SLC15A1: variants seen among roughly 807,000 people sequenced by gnomAD.
SLC15A1 encodes the protein Caco-2 oligopeptide transporter.
SLC15A1 carries 83 observed loss-of-function variants against 92.9 expected under a neutral mutation model. The ratio of observed to expected loss-of-function variants is 0.89; its 90% CI spans 0.75 to 1.07. The LOEUF (loss-of-function observed/expected upper bound fraction) is 1.07. SLC15A1 is among the 50% of genes least tolerant of loss of function. The pLI, the probability that SLC15A1 is intolerant of heterozygous loss-of-function variation, is 0.00. For synonymous variants in SLC15A1, 322 were observed against 318.2 expected (o/e 1.01, Z -0.13); for missense variants, 857 against 880.1 (o/e 0.97, Z 0.33).
chr13:98,713,912 T>A (rs1383401651), intron 9 of SLC15A1, among the ~76,000 whole-genome samples: 1 of 151,876 alleles, frequency 6.6e-6, no homozygotes, highest in Admixed American at 6.6e-5. Context: ...CTGGGCGTGG[T>A]AGTGTACGTC....
chr13:98,690,490 C>G, intron 18 of SLC15A1, among the ~76,000 whole-genome samples: 1 of 152,174 alleles, frequency 6.6e-6, no homozygotes, highest in East Asian at 1.9e-4. Flanking sequence ...GGAAGCAGAA[C>G]GTTGGGCCTG....
In SLC15A1 at chr13:98,686,365, C is replaced by T. The variant is rs115034147; in HGVS notation, c.1828-68G>A. 685 of 1,077,064 alleles carry T rather than the reference C, an allele frequency of 6.4e-4. 2 individuals are homozygous for T. In the African/African-American group the frequency reaches 9.0e-3, roughly 14 times the overall value. The allele number at this position is 1,077,064 out of a possible 1,614,324, so 66.7% of individuals were successfully genotyped here. A position where few individuals can be genotyped will look rare whatever the true frequency, so the allele number is the denominator to read the frequency against. On this transcript the variant is annotated intron_variant, in intron 21 of 22. Coordinates refer to ENST00000376503, the MANE Select transcript of SLC15A1 (RefSeq NM_005073.4). ...CTCCGAGCAGGAGAACACAGCTCAC[C>T]GATGGGCGTTTCGTGAAGCAGATCA...
intron 1 of SLC15A1, 69 bp downstream of exon 1, chr13:98,752,526 C>G: frequency 8.0e-7 from 1 of 1,252,856 alleles, no homozygotes; most frequent in Non-Finnish European, 1.0e-6. Flanking sequence ...TCCCGGCCCT[C>G]GGTGCCGGCC....
At position 98,746,556 on chromosome 13, in the gene SLC15A1, A is replaced by G. The variant is rs551237109; in HGVS notation, c.4+6039T>C. Among the ~76,000 whole-genome samples, 128 of 152,336 alleles carry G rather than the reference A, an allele frequency of 8.4e-4. 1 individual carries two copies. Among genetic ancestry groups the G allele is most frequent in the African/African-American group, 2.9e-3 (120 of 41,582 alleles). ...AGGAAAAACGTTTATTTCCTCAAGAACATCTCAAATGTATAAACATCTGCC... is the reference window on the plus strand; with the variant it reads ...AGGAAAAACGTTTATTTCCTCAAGAGCATCTCAAATGTATAAACATCTGCC... On this transcript the variant is annotated intron_variant, in intron 1 of 22. Transcript: ENST00000376503.
intron 7 of SLC15A1, among the ~76,000 whole-genome samples, chr13:98,719,639 T>C (rs1158316222): frequency 3.9e-5 from 6 of 152,316 alleles, no homozygotes; most frequent in African/African-American, 2.4e-5. Context: ...AACTTGATTA[T>C]ATGGGACTCA....
At chr13:98,694,903 C>A (rs2088008996) in intron 18 of SLC15A1, among the ~76,000 whole-genome samples, 1 of 151,554 alleles carries the variant, frequency 6.6e-6, no homozygotes. Flanking sequence ...TGGCATGCAC[C>A]TGTAGTCCCA....
intron 21 of SLC15A1, 49 bp from the exon 22 acceptor site, chr13:98,686,346 G>A (rs924001288): frequency 1.5e-6 from 2 of 1,317,900 alleles, no homozygotes; most frequent in Non-Finnish European, 2.2e-6. Context: ...CACCCTCCGA[G>A]CAGGAGAACA....
intron 1 of SLC15A1, among the ~76,000 whole-genome samples, chr13:98,731,322 G>A (rs1266380843): frequency 6.6e-6 from 1 of 152,216 alleles, no homozygotes; most frequent in Non-Finnish European, 1.5e-5. Context: ...GAATAGGAAG[G>A]GCTGGTCGGG....
chr13:98,715,954 A>C lies in SLC15A1; in HGVS notation c.647T>G (p.Phe216Cys). 3.1e-6 allele frequency: 5 copies of C among 1,614,108 alleles called. No individual in the cohort carries two copies. The highest frequency in any genetic ancestry group is 4.2e-6 in the Non-Finnish European group (5 of 1,179,974). ...AALMAVALIVFVLGSGMYKKF... is the reference protein window; with the variant it reads ...AALMAVALIVCVLGSGMYKKF... The stretch of plus-strand genomic sequence containing the variant: ...CTTGTACATCCCACTGCCAAGGACA[A>C]ACACAACTAGATAGGGCAGAAGAAG... The change falls in exon 9 of 23, where the codon TTT becomes TGT. Residue 216 changes from phenylalanine (F) to cysteine (C), a missense_variant. Phe to Cys is a radical substitution (Grantham distance 205). Coordinates refer to ENST00000376503, the MANE Select transcript of SLC15A1 (RefSeq NM_005073.4).
At chr13:98,684,958 A>T (rs2087919145) in intron 22 of SLC15A1, 43 bp from the exon 23 acceptor site, 2 of 1,524,164 alleles carry the variant, frequency 1.3e-6, no homozygotes, top group Non-Finnish European at 1.8e-6. Flanking sequence ...GAACAAAAAT[A>T]AAACAGGTCA....
intron 1 of SLC15A1, among the ~76,000 whole-genome samples, chr13:98,736,019 A>G (rs1183384984): frequency 6.6e-6 from 1 of 152,244 alleles, no homozygotes; most frequent in Non-Finnish European, 1.5e-5. Flanking sequence ...ACCAAAAAAG[A>G]GCCCTCTTTG....
intron 18 of SLC15A1, among the ~76,000 whole-genome samples, chr13:98,695,564 A>G (rs2088015292): frequency 6.6e-6 from 1 of 151,842 alleles, no homozygotes; most frequent in South Asian, 2.1e-4. Flanking sequence ...TAATGTTCTT[A>G]TATTTTTTAG....
intron 1 of SLC15A1, among the ~76,000 whole-genome samples, chr13:98,743,448 C>A (rs934139783): frequency 6.6e-6 from 1 of 152,152 alleles, no homozygotes; most frequent in Non-Finnish European, 1.5e-5. Context: ...CATTCCTGTC[C>A]TCCTTCAGGA....
chr13:98,752,586 C>T lies in SLC15A1; in HGVS notation c.4+9G>A. ...TTAGCCCGGCCGGCCCCCCACCCGC[C>T]GAGCGTACCCATGGCGGCGGCTCCC... is the stretch of plus-strand genomic sequence containing the variant. On this transcript the variant is annotated intron_variant, in intron 1 of 22. Coordinates refer to ENST00000376503, the MANE Select transcript of SLC15A1 (RefSeq NM_005073.4). 7.9e-7 allele frequency: 1 copy of T among 1,258,246 alleles called. No individual in the cohort carries two copies. The highest frequency in any genetic ancestry group is 1.0e-6 in the Non-Finnish European group (1 of 1,001,738). 77.9% of individuals were successfully genotyped at this position (1,258,246 alleles called of 1,614,324 possible). A position where few individuals can be genotyped will look rare whatever the true frequency, so the allele number is the denominator to read the frequency against.
intron 1 of SLC15A1, among the ~76,000 whole-genome samples, chr13:98,746,382 T>C (rs910712342): frequency 6.6e-6 from 1 of 152,192 alleles, no homozygotes; most frequent in African/African-American, 2.4e-5. Context: ...TTTGGGTATA[T>C]ACCCCGTAAT....
At chr13:98,722,279 C>T (rs995937101) in intron 5 of SLC15A1, among the ~76,000 whole-genome samples, 4 of 152,054 alleles carry the variant, frequency 2.6e-5, no homozygotes, top group African/African-American at 9.7e-5. Flanking sequence ...TCATAATAGT[C>T]ATTAAGTAAC....
At chr13:98,740,784 T>C (rs1172070257) in intron 1 of SLC15A1, among the ~76,000 whole-genome samples, 2 of 152,090 alleles carry the variant, frequency 1.3e-5, no homozygotes, top group African/African-American at 4.8e-5. Flanking sequence ...GGTGGGGTGG[T>C]GGGAAAGAGG....
chr13:98,728,995 A>C lies in SLC15A1; in HGVS notation c.5-2136T>G, dbSNP rs865970748. Among the ~76,000 whole-genome samples, 1,234 of 146,832 alleles carry C rather than the reference A, an allele frequency of 8.4e-3. 58 individuals are homozygous for C. Among genetic ancestry groups the C allele is most frequent in the South Asian group, 0.034 (155 of 4,592 alleles). On this transcript the variant is annotated intron_variant, in intron 1 of 22. Coordinates refer to ENST00000376503, the MANE Select transcript of SLC15A1 (RefSeq NM_005073.4). ...GGCTCTGTAAAAAAAAAAAAAAAAA[A>C]AAAAAAAAAAACAACAAGCCCCAAA... is the stretch of plus-strand genomic sequence containing the variant.
intron 1 of SLC15A1, among the ~76,000 whole-genome samples, chr13:98,728,941 A>G (rs987171917): frequency 3.0e-5 from 4 of 132,972 alleles, no homozygotes; most frequent in Non-Finnish European, 6.2e-5. Flanking sequence ...AGATCACACC[A>G]CTGCACTCCA....
Sources: allele counts gnomAD v4.1 joint callset (sites outside exome capture counted in the v4.1 genomes callset), GRCh38; gene constraint gnomAD v4.1.1; transcripts MANE v1.5; gene names NCBI Gene and HGNC (gene_info 2026-07-23, HGNC 2026-07-21).